MADD: variants seen among roughly 807,000 people sequenced by gnomAD.
MADD encodes the protein MAP kinase activating death domain.
A neutral mutation model predicts 176.7 loss-of-function variants in MADD; 109 were observed. The ratio of observed to expected loss-of-function variants is 0.62; its 90% CI spans 0.53 to 0.72. The LOEUF (loss-of-function observed/expected upper bound fraction) is 0.72, where lower values mean the gene tolerates loss of function less well. Ranked by LOEUF, MADD falls within the 30% of genes least tolerant of loss-of-function variation. The pLI is 0.00. For synonymous variants in MADD, 771 were observed against 771.3 expected (o/e 1.00, Z 0.01); for missense variants, 1,914 against 2,045.5 (o/e 0.94, Z 1.24).
intron 15 of MADD, 69 bp from the exon 17 acceptor site, chr11:47,289,322 A>G (rs2063308371): frequency 2.3e-6 from 3 of 1,285,572 alleles, no homozygotes; most frequent in Non-Finnish European, 3.4e-6. Context: ...ATGGCTACTT[A>G]GGGCTGTGCT....
Position 47,326,639 on chromosome 11 carries a change from C to T in MADD, c.4543-99C>T, listed in dbSNP as rs979369034. The T allele has an allele frequency of 7.2e-6, 11 of 1,532,024 alleles. No homozygotes were observed. In the Middle Eastern group the frequency reaches 9.2e-4, roughly 129 times the overall value. 94.9% of individuals were successfully genotyped at this position (1,532,024 alleles called of 1,614,324 possible). ...TTCTGTCCTCTCTTTGGGAAATAGA[C>T]TTTCTTTGTGTGGGTGGGGCTGTAG... On this transcript the variant is annotated intron_variant, in intron 30 of 32. Transcript: ENST00000402192.
intron 22 of MADD, among the ~76,000 whole-genome samples, chr11:47,297,260 C>T (rs1202745589): frequency 6.6e-6 from 1 of 152,086 alleles, no homozygotes; most frequent in Admixed American, 6.6e-5. Context: ...CATTCCCACC[C>T]CCAGAGCCTT....
At chr11:47,297,287 AAT>A (rs771521780) in intron 22 of MADD, among the ~76,000 whole-genome samples, 1 of 152,112 alleles carries the variant, frequency 6.6e-6, no homozygotes, top group Non-Finnish European at 1.5e-5. Context: ...GTGTGTTTTT[AAT>A]AGAGTCAGTG....
At chr11:47,281,457 A>G in intron 7 of MADD, 118 bp from the exon 8 acceptor site, 1 of 728,514 alleles carries the variant, frequency 1.4e-6, no homozygotes, top group Non-Finnish European at 2.1e-6. Context: ...TTGTTGCAGA[A>G]CTTTTTGACC....
intron 31 of MADD, chr11:47,327,667 A>C (rs1015265943): frequency 1.0e-6 from 1 of 985,246 alleles, no homozygotes; most frequent in African/African-American, 1.7e-5. Context: ...ACTTGGGGGA[A>C]TCTTCCAACT....
chr11:47,284,550 C>A, exon 12 of MADD: 2 of 1,613,884 alleles, frequency 1.2e-6, no homozygotes, highest in Non-Finnish European at 1.7e-6. Flanking sequence ...GCACTGTCAT[C>A]CACGGAGCCA....
intron 6 of MADD, 105 bp from the exon 7 acceptor site, chr11:47,278,894 T>A (rs1475597880): frequency 2.7e-5 from 23 of 863,194 alleles, no homozygotes; most frequent in Non-Finnish European, 4.3e-5. Flanking sequence ...GTATATTCGT[T>A]TATATAATAA....
At chr11:47,272,831 C>G (rs2045956398) in intron 1 of MADD, among the ~76,000 whole-genome samples, 1 of 152,150 alleles carries the variant, frequency 6.6e-6, no homozygotes, top group Admixed American at 6.5e-5. Flanking sequence ...GACAAGGACT[C>G]ATCTGTGGGT....
intron 14 of MADD, 141 bp from the exon 15 acceptor site, chr11:47,286,292 A>G: frequency 1.5e-6 from 1 of 684,694 alleles, no homozygotes; most frequent in Non-Finnish European, 2.6e-6. Flanking sequence ...GATCCTTTCT[A>G]AGACAGATCA....
Position 47,326,535 on chromosome 11 carries a change from T to A in MADD, c.4543-203T>A. ...TTCATTTCTCTCCCATGCTTTCTCC[T>A]CCGGCCAGGAGCGGAAGGTACATGC... is the stretch of plus-strand genomic sequence containing the variant. On this transcript the variant is annotated intron_variant, in intron 30 of 32. Transcript: ENST00000402192. 4 of 1,373,310 alleles carry A rather than the reference T, an allele frequency of 2.9e-6. No individual in the cohort carries two copies. The highest frequency in any genetic ancestry group is 3.8e-6 in the Non-Finnish European group (4 of 1,064,348). 85.1% of individuals were successfully genotyped at this position (1,373,310 alleles called of 1,614,324 possible). A position where few individuals can be genotyped will look rare whatever the true frequency, so the allele number is the denominator to read the frequency against.
chr11:47,283,685 C>T (rs974117131), intron 10 of MADD, among the ~76,000 whole-genome samples: 3 of 152,330 alleles, frequency 2.0e-5, no homozygotes, highest in Admixed American at 2.0e-4. Context: ...GATTCTCTTG[C>T]CCCAGCCACC....
At chr11:47,271,423 C>T (rs1591433907) in intron 1 of MADD, among the ~76,000 whole-genome samples, 2 of 152,180 alleles carry the variant, frequency 1.3e-5, no homozygotes, top group African/African-American at 4.8e-5. Flanking sequence ...ATCCTACCAC[C>T]CGTAGCTAGA....
chr11:47,274,094 C>T, intron 2 of MADD, 118 bp downstream of exon 2: 1 of 972,750 alleles, frequency 1.0e-6, no homozygotes, highest in Non-Finnish European at 1.6e-6. Flanking sequence ...TGTTATTTTA[C>T]CCTGATGGGA....
At chr11:47,310,703 C>A (rs2087931168) in intron 25 of MADD, among the ~76,000 whole-genome samples, 1 of 648 alleles carries the variant, frequency 1.5e-3, no homozygotes, top group South Asian at 0.5. Flanking sequence ...GTCAGGAGTT[C>A]GAGACCAGCC....
At chr11:47,275,004 C>T (rs765201286) in exon 3 of MADD, 1 of 1,614,244 alleles carries the variant, frequency 6.2e-7, no homozygotes, top group Admixed American at 1.7e-5. Context: ...CGGGGAGCCG[C>T]TCCCGCAACA....
rs754247907 is a variant in MADD at position 47,276,192 on chromosome 11, T to G, written c.953T>G (p.Leu318Ter). ...CTCCAGGTGCTAACCTGCATTCTGT[T>G]AGAGCACAAGGTGAGAGGCAAGCTT... Residue 318 changes from leucine (L) to a stop codon, truncating the protein, a stop_gained, in exon 4 of 33, where the codon TTA (leucine) becomes TGA (stop). Transcript: ENST00000402192. LOFTEE classifies it high-confidence loss of function. 1 of 1,607,666 alleles carries G rather than the reference T, an allele frequency of 6.2e-7. No individual in the cohort carries two copies. The highest frequency in any genetic ancestry group is 8.5e-7 in the Non-Finnish European group (1 of 1,175,208).
At chr11:47,293,427 G>A (rs1375253095) in intron 19 of MADD, among the ~76,000 whole-genome samples, 1 of 150,932 alleles carries the variant, frequency 6.6e-6, no homozygotes, top group Non-Finnish European at 1.5e-5. Context: ...TCAACCTCCC[G>A]AGTAGCTGAG....
exon 28 of MADD, chr11:47,323,671 G>A: frequency 6.2e-7 from 1 of 1,612,680 alleles, no homozygotes; most frequent in Non-Finnish European, 8.5e-7. Flanking sequence ...ACTTCTCCAG[G>A]TGTGCGATGA....
At chr11:47,270,919 T>C (rs2135961979) in intron 1 of MADD, 1 of 152,464 alleles carries the variant, frequency 6.6e-6, no homozygotes, top group South Asian at 2.1e-4. Context: ...AGCCTCCTGT[T>C]GTGTTCACGT....
Sources: gnomAD v4.1 joint callset for allele counts (sites outside exome capture counted in the v4.1 genomes callset) on GRCh38, gnomAD v4.1.1 for gene constraint, MANE v1.5 for transcripts, NCBI Gene and HGNC (gene_info 2026-07-23, HGNC 2026-07-21) for gene names.